GMFB: variants seen among roughly 807,000 people sequenced by gnomAD.
The protein encoded by GMFB is GMF-beta.
In GMFB, 13 loss-of-function variants were observed where a neutral mutation model predicts 25.6. The ratio of observed to expected loss-of-function variants is 0.51; its 90% CI spans 0.33 to 0.81. The LOEUF (loss-of-function observed/expected upper bound fraction) is 0.81, where lower values mean the gene tolerates loss of function less well. Ranked by LOEUF, GMFB falls within the 30% of genes least tolerant of loss-of-function variation. The pLI, the probability that GMFB is intolerant of heterozygous loss-of-function variation, is 0.02. For synonymous variants in GMFB, 57 were observed against 56.9 expected (o/e 1.00, Z 0.00); for missense variants, 146 against 175.4 (o/e 0.83, Z 0.95).
At chr14:54,485,592 C>T (rs879579121) in intron 1 of GMFB, among the ~76,000 whole-genome samples, 1 of 152,040 alleles carries the variant, frequency 6.6e-6, no homozygotes, top group Non-Finnish European at 1.5e-5. Flanking sequence ...CCATACTAAC[C>T]CAAAGTGATC....
At chr14:54,488,812 G>A (rs2031825496) in intron 1 of GMFB, 113 bp downstream of exon 1, 4 of 779,722 alleles carry the variant, frequency 5.1e-6, no homozygotes, top group East Asian at 3.3e-5. Flanking sequence ...GAGCGGAAGC[G>A]GCCGCCGAGC....
In GMFB at chr14:54,476,516, A is replaced by G. The variant is rs1289184681; in HGVS notation, c.*1572T>C. 6.6e-6 allele frequency: 1 copy of G among 152,024 alleles called. No homozygotes were observed. The highest frequency in any genetic ancestry group is 2.4e-5 in the African/African-American group (1 of 41,442). 9.4% of individuals were successfully genotyped at this position (152,024 alleles called of 1,614,324 possible). On this transcript the variant is annotated 3_prime_UTR_variant, in exon 7 of 7. Coordinates refer to ENST00000358056, the MANE Select transcript of GMFB (RefSeq NM_004124.3). ...TTCTCTTCTCTCTGGAAATTGGAAT[A>G]AAGAATCTTTTCCCTCCAAGAACCA...
intron 1 of GMFB, among the ~76,000 whole-genome samples, chr14:54,488,414 G>A (rs2031818556): frequency 6.6e-6 from 1 of 152,242 alleles, no homozygotes; most frequent in Admixed American, 6.5e-5. Context: ...GGAAGCTAGG[G>A]AAAGGAGCAG....
Position 54,487,408 on chromosome 14 carries a change from G to A in GMFB, c.3+1517C>T, listed in dbSNP as rs187468734. Among the ~76,000 whole-genome samples the A allele has an allele frequency of 7.4e-3, 1,127 of 152,364 alleles. 17 individuals are homozygous for A. The highest frequency in any genetic ancestry group is 0.025 in the African/African-American group (1,040 of 41,590). On this transcript the variant is annotated intron_variant, in intron 1 of 6. Coordinates refer to ENST00000358056, the MANE Select transcript of GMFB (RefSeq NM_004124.3). ...AAATTAGCCGGGTGTGGTGGCGGGA[G>A]CCTGTAGTCCCAGCTACTCGGGAGG...
Position 54,476,324 on chromosome 14 carries a change from T to C in GMFB, c.*1764A>G, listed in dbSNP as rs554164424. On this transcript the variant is annotated 3_prime_UTR_variant, in exon 7 of 7. Coordinates refer to ENST00000358056, the MANE Select transcript of GMFB (RefSeq NM_004124.3). The stretch of plus-strand genomic sequence containing the variant: ...ACATTCTTGCAGCACTAGTTTCTCT[T>C]ACTGCTGCAAAACAGGTGAAACAAA... 2.0e-5 allele frequency: 3 copies of C among 152,214 alleles called. No homozygotes were observed. The East Asian group carries it at 5.8e-4, about 29-fold the overall frequency. The allele number at this position is 152,214 out of a possible 1,614,324, so 9.4% of individuals were successfully genotyped here. A position where few individuals can be genotyped will look rare whatever the true frequency, so the allele number is the denominator to read the frequency against.
rs1379349844 is a variant in GMFB at position 54,476,180 on chromosome 14, G to A, written c.*1908C>T. The A allele has an allele frequency of 1.3e-5, 2 of 148,480 alleles. No individual in the cohort carries two copies. Among genetic ancestry groups the A allele is most frequent in the Non-Finnish European group, 3.0e-5 (2 of 66,922 alleles). 9.2% of individuals were successfully genotyped at this position (148,480 alleles called of 1,614,324 possible). A position where few individuals can be genotyped will look rare whatever the true frequency, so the allele number is the denominator to read the frequency against. Reference sequence around the variant, plus strand: ...TTTGCTCCTGTTAAAGACAGTAGCGGAACTAAGAGTGCTAACGTATGGCAG... The same window carrying A: ...TTTGCTCCTGTTAAAGACAGTAGCGAAACTAAGAGTGCTAACGTATGGCAG... On this transcript the variant is annotated 3_prime_UTR_variant, in exon 7 of 7. Coordinates refer to ENST00000358056, the MANE Select transcript of GMFB (RefSeq NM_004124.3).
At chr14:54,481,370 A>G in intron 4 of GMFB, 39 bp downstream of exon 4, 1 of 1,388,682 alleles carries the variant, frequency 7.2e-7, no homozygotes. Context: ...TCTGACCACT[A>G]AAGAAAATAA....
intron 4 of GMFB, among the ~76,000 whole-genome samples, 185 bp from the exon 5 acceptor site, chr14:54,481,141 TA>T (rs2031706083): frequency 1.3e-5 from 2 of 152,068 alleles, no homozygotes; most frequent in Admixed American, 1.3e-4. Flanking sequence ...TCAAAAAATT[TA>T]ACTTTTTAAA....
intron 2 of GMFB, 31 bp downstream of exon 2, chr14:54,483,640 T>C (rs1339932839): frequency 3.2e-5 from 35 of 1,091,800 alleles, no homozygotes; most frequent in Non-Finnish European, 4.8e-5. Context: ...ATTAAGACCA[T>C]GTAACTTTGA....
chr14:54,484,620 C>T (rs760767218), intron 1 of GMFB, among the ~76,000 whole-genome samples: 3 of 152,004 alleles, frequency 2.0e-5, no homozygotes, highest in Non-Finnish European at 2.9e-5. Flanking sequence ...ATTTAAAACA[C>T]CACTTCTACT....
chr14:54,488,942 T>G lies in GMFB; in HGVS notation c.-15A>C, dbSNP rs745834468. On this transcript the variant is annotated 5_prime_UTR_variant, in exon 1 of 7. Coordinates refer to ENST00000358056, the MANE Select transcript of GMFB (RefSeq NM_004124.3). ...CAACTCACCATTTTCCTTCCGGCCG[T>G]CAGCGGCCTGTCGCCTACACTCGGG... 1.2e-5 allele frequency: 19 copies of G among 1,559,606 alleles called. No individual in the cohort carries two copies. The highest frequency in any genetic ancestry group is 1.5e-5 in the Non-Finnish European group (17 of 1,155,926).
At chr14:54,488,138 G>A (rs559145877) in intron 1 of GMFB, among the ~76,000 whole-genome samples, 53 of 152,220 alleles carry the variant, frequency 3.5e-4, no homozygotes, top group Non-Finnish European at 6.6e-4. Flanking sequence ...TGGTCACAGA[G>A]AGCAGTGTTT....
intron 1 of GMFB, among the ~76,000 whole-genome samples, chr14:54,488,058 A>T (rs2031812661): frequency 6.6e-6 from 1 of 152,216 alleles, no homozygotes; most frequent in Admixed American, 6.5e-5. Flanking sequence ...ACGAAAACTG[A>T]AAAGAATCCA....
chr14:54,486,420 T>C (rs1425924817), intron 1 of GMFB, among the ~76,000 whole-genome samples: 1 of 152,088 alleles, frequency 6.6e-6, no homozygotes, highest in Admixed American at 6.5e-5. Context: ...TTTTTTTGAG[T>C]AAGACCTCAA....
At chr14:54,484,061 C>A in intron 1 of GMFB, 1 of 461,860 alleles carries the variant, frequency 2.2e-6, no homozygotes, top group Non-Finnish European at 4.1e-6. Flanking sequence ...GTCATCAGAA[C>A]TGGAGAGGAA....
At chr14:54,487,369 A>G (rs2031800780) in intron 1 of GMFB, among the ~76,000 whole-genome samples, 1 of 152,104 alleles carries the variant, frequency 6.6e-6, no homozygotes, top group Non-Finnish European at 1.5e-5. Context: ...GTCTGTACTA[A>G]AAATACAAAA....
At position 54,478,001 on chromosome 14, in the gene GMFB, G is replaced by A; in HGVS notation, c.*87C>T. The A allele has an allele frequency of 1.6e-6, 1 of 611,590 alleles. No homozygotes were observed. The highest frequency in any genetic ancestry group is 2.8e-6 in the Non-Finnish European group (1 of 352,454). The allele number at this position is 611,590 out of a possible 1,614,324, so 37.9% of individuals were successfully genotyped here. On this transcript the variant is annotated 3_prime_UTR_variant, in exon 7 of 7. Transcript: ENST00000358056. ...CAGGAAACAAACTGTAAGTAACAGT[G>A]CATTTTTAGGCATAAATAAGTATTT... is the stretch of plus-strand genomic sequence containing the variant.
chr14:54,479,690 C>T, intron 6 of GMFB, 96 bp downstream of exon 6: 1 of 693,556 alleles, frequency 1.4e-6, no homozygotes, highest in South Asian at 1.7e-5. Flanking sequence ...ATAACCTTCA[C>T]CTGCATAAAA....
At position 54,477,465 on chromosome 14, in the gene GMFB, A is replaced by G. The variant is rs745954338; in HGVS notation, c.*623T>C. ...AAGACTAAGATGCTATAAGGAGAAA[A>G]GCTAACAGTCATAATTCTATCATAA... is the stretch of plus-strand genomic sequence containing the variant. On this transcript the variant is annotated 3_prime_UTR_variant, in exon 7 of 7. Coordinates refer to ENST00000358056, the MANE Select transcript of GMFB (RefSeq NM_004124.3). The G allele has an allele frequency of 2.6e-5, 4 of 152,314 alleles. No homozygotes were observed. Among genetic ancestry groups the G allele is most frequent in the Non-Finnish European group, 5.9e-5 (4 of 67,936 alleles). The allele number at this position is 152,314 out of a possible 1,614,324, so 9.4% of individuals were successfully genotyped here.
Sources: gnomAD v4.1 joint callset for allele counts (sites outside exome capture counted in the v4.1 genomes callset) on GRCh38, gnomAD v4.1.1 for gene constraint, MANE v1.5 for transcripts, NCBI Gene and HGNC (gene_info 2026-07-23, HGNC 2026-07-21) for gene names.